SCAP: variants seen among roughly 807,000 people sequenced by gnomAD.
SCAP encodes the protein SREBF chaperone.
SCAP carries 65 observed loss-of-function variants against 123.6 expected under a neutral mutation model. The ratio of observed to expected loss-of-function variants is 0.53; its 90% confidence interval spans 0.43 to 0.65. The LOEUF is 0.65. SCAP is among the 30% of genes least tolerant of loss of function. SCAP has a pLI of 0.00. For synonymous variants in SCAP, 740 were observed against 726.3 expected, an observed-to-expected ratio of 1.02 and a Z score of -0.30; for missense variants, 1,398 against 1,712.5, an observed-to-expected ratio of 0.82 and a Z score of 3.24.
chr3:47,444,371 G>A (rs1474198635), intron 1 of SCAP, among the ~76,000 whole-genome samples: 1 of 152,188 alleles, frequency 6.6e-6, no homozygotes, highest in Admixed American at 6.5e-5. Flanking sequence ...GAAGCAAAAG[G>A]AGTCACACCA....
At chr3:47,423,866 A>T in intron 9 of SCAP, 67 bp downstream of exon 9, 2 of 1,134,088 alleles carry the variant, frequency 1.8e-6, no homozygotes, top group Middle Eastern at 2.3e-4. Context: ...GAGCGTTAAC[A>T]GCAAGAGGAA....
chr3:47,473,801 A>C (rs1708160502), intron 1 of SCAP, among the ~76,000 whole-genome samples: 1 of 152,148 alleles, frequency 6.6e-6, no homozygotes, highest in Admixed American at 6.6e-5. Flanking sequence ...AGTTTATTTA[A>C]TTCCTGAATC....
intron 20 of SCAP, 38 bp downstream of exon 20, chr3:47,414,789 G>A (rs371125960): frequency 3.5e-5 from 56 of 1,597,556 alleles, no homozygotes; most frequent in Middle Eastern, 1.7e-4. Flanking sequence ...ACCCCGTGCC[G>A]GGCCACTCCA....
intron 2 of SCAP, among the ~76,000 whole-genome samples, chr3:47,440,779 G>A (rs995957082): frequency 2.6e-5 from 4 of 152,146 alleles, no homozygotes; most frequent in African/African-American, 9.7e-5. Flanking sequence ...AGAATCACTT[G>A]AGCCCATGAA....
intron 1 of SCAP, among the ~76,000 whole-genome samples, chr3:47,463,998 ATTTAT>A (rs973271339): frequency 1.1e-4 from 16 of 151,760 alleles, no homozygotes; most frequent in African/African-American, 2.7e-4. Context: ...CATCTGGCTA[ATTTAT>A]TTTATTTTAT....
chr3:47,466,331 AAAC>A (rs1390635582), intron 1 of SCAP, among the ~76,000 whole-genome samples: 1 of 152,150 alleles, frequency 6.6e-6, no homozygotes, highest in Admixed American at 6.6e-5. Flanking sequence ...CAGACATATA[AAAC>A]AATAGAGAGC....
At chr3:47,424,931 C>G (rs1706059203) in intron 8 of SCAP, among the ~76,000 whole-genome samples, 2 of 152,058 alleles carry the variant, frequency 1.3e-5, no homozygotes, top group South Asian at 2.1e-4. Flanking sequence ...GACTAAGGTT[C>G]AGAGAGGAGT....
chr3:47,459,466 CG>C (rs1707547679), intron 1 of SCAP, among the ~76,000 whole-genome samples: 1 of 152,104 alleles, frequency 6.6e-6, no homozygotes, highest in Non-Finnish European at 1.5e-5. Context: ...TTCTATTTTC[CG>C]TAAGTGTCGG....
chr3:47,424,140 G>A, intron 8 of SCAP, 95 bp from the exon 9 acceptor site: 1 of 879,382 alleles, frequency 1.1e-6, no homozygotes, highest in Non-Finnish European at 1.8e-6. Context: ...AGCCTGTCAT[G>A]GGGGCTGCTG....
intron 1 of SCAP, among the ~76,000 whole-genome samples, chr3:47,449,003 G>A (rs9683177): frequency 0.5 from 75,293 of 151,938 alleles, 20,275 homozygotes; most frequent in Non-Finnish European, 0.6. Flanking sequence ...ACCTAATTAG[G>A]TCCAGTCCAC....
At chr3:47,454,701 T>C (rs559562749) in intron 1 of SCAP, among the ~76,000 whole-genome samples, 23 of 152,166 alleles carry the variant, frequency 1.5e-4, no homozygotes, top group African/African-American at 3.9e-4. Flanking sequence ...TGAGCCAAGA[T>C]TGTGCCACTG....
intron 8 of SCAP, 192 bp downstream of exon 8, chr3:47,425,293 G>C (rs901010889): frequency 1.6e-6 from 1 of 630,888 alleles, no homozygotes; most frequent in African/African-American, 1.8e-5. Context: ...AGCTAGATAT[G>C]CTATATACAA....
At chr3:47,451,394 CTTTTTTTT>C (rs10712274) in intron 1 of SCAP, among the ~76,000 whole-genome samples, 1 of 41,376 alleles carries the variant, frequency 2.4e-5, no homozygotes, top group Non-Finnish European at 5.0e-5. Flanking sequence ...CCTGGAATGC[CTTTTTTTT>C]TTTTTTTTTT....
At chr3:47,426,563 G>A (rs1170587919) in intron 6 of SCAP, among the ~76,000 whole-genome samples, 6 of 152,064 alleles carry the variant, frequency 3.9e-5, no homozygotes, top group African/African-American at 9.6e-5. Flanking sequence ...TCAGCCTCCC[G>A]AGTAGCTGGG....
At position 47,451,954 on chromosome 3, in the gene SCAP, T is replaced by C. The variant is rs1462122917; in HGVS notation, c.-98-8863A>G. 3.3e-5 allele frequency among the ~76,000 whole-genome samples: 5 copies of C among 152,274 alleles called. 2 individuals are homozygous for C. The East Asian group carries it at 9.6e-4, about 29-fold the overall frequency. On this transcript the variant is annotated intron_variant, in intron 1 of 22. Coordinates refer to ENST00000265565, the MANE Select transcript of SCAP (RefSeq NM_012235.4). ...CAACCTCATTCCCATCTCAGGGGCC[T>C]GGCACATACTGTTCCATCCTCTATT...
intron 1 of SCAP, among the ~76,000 whole-genome samples, chr3:47,450,466 G>A (rs1707196379): frequency 8.2e-6 from 1 of 121,554 alleles, no homozygotes; most frequent in Non-Finnish European, 1.8e-5. Flanking sequence ...AGAGGGAAAC[G>A]TTAGTAGTGG....
At chr3:47,468,168 C>T (rs369030908) in intron 1 of SCAP, among the ~76,000 whole-genome samples, 3 of 152,002 alleles carry the variant, frequency 2.0e-5, no homozygotes, top group African/African-American at 7.3e-5. Flanking sequence ...TGAATAGTGC[C>T]GTAATAAACA....
chr3:47,417,889 ACGGGG>A, intron 16 of SCAP, 63 bp from the exon 17 acceptor site: 2 of 186,072 alleles, frequency 1.1e-5, no homozygotes, highest in Non-Finnish European at 1.9e-5. Flanking sequence ...GGGGCGGGGG[ACGGGG>A]GTGAGAGGGG....
intron 1 of SCAP, among the ~76,000 whole-genome samples, chr3:47,459,784 A>G (rs1407825385): frequency 2.0e-5 from 3 of 152,146 alleles, no homozygotes; most frequent in Non-Finnish European, 2.9e-5. Context: ...AACATCTTAA[A>G]CAACAGAAAA....
Sources: gnomAD v4.1 joint callset for allele counts (sites outside exome capture counted in the v4.1 genomes callset) on GRCh38, gnomAD v4.1.1 for gene constraint, MANE v1.5 for transcripts, NCBI Gene and HGNC (gene_info 2026-07-23, HGNC 2026-07-21) for gene names.